Variants in IFT52 observed in about 807,000 individuals in gnomAD.
IFT52 encodes the protein intraflagellar transport 52.
Under a neutral mutation model 54.4 loss-of-function variants are expected in IFT52, and 44 were observed. The ratio of observed to expected loss-of-function variants is 0.81; its 90% CI spans 0.63 to 1.04. The LOEUF is 1.04. Among genes scored for constraint, IFT52 ranks in the 50% least tolerant of loss-of-function variants. The pLI is 0.00. For synonymous variants in IFT52, 181 were observed against 185.3 expected, an observed-to-expected ratio of 0.98 and a Z score of 0.19; for missense variants, 452 against 523.6, an observed-to-expected ratio of 0.86 and a Z score of 1.33.
chr20:43,594,029 G>T (rs894074797), intron 1 of IFT52, among the ~76,000 whole-genome samples: 26 of 152,258 alleles, frequency 1.7e-4, no homozygotes, highest in South Asian at 1.5e-3. Context: ...AGAATCTCGA[G>T]CTGGGTGCAG....
intron 10 of IFT52, among the ~76,000 whole-genome samples, chr20:43,625,162 ACATACGTCAAG>A (rs1173927777): frequency 6.6e-6 from 1 of 152,152 alleles, no homozygotes; most frequent in African/African-American, 2.4e-5. Flanking sequence ...GAAGATGATT[ACATACGTCAAG>A]CAGAGTACTG....
chr20:43,591,253 G>A (rs1314744557), intron 1 of IFT52, among the ~76,000 whole-genome samples, 199 bp downstream of exon 1: 14 of 152,258 alleles, frequency 9.2e-5, no homozygotes, highest in African/African-American at 3.4e-4. Context: ...GGCCTCGGGT[G>A]GTGCAGGTGT....
chr20:43,613,470 T>G (rs1983611856), intron 6 of IFT52, among the ~76,000 whole-genome samples: 1 of 152,232 alleles, frequency 6.6e-6, no homozygotes, highest in Non-Finnish European at 1.5e-5. Flanking sequence ...AAAAATTTTT[T>G]GTTTGATAAT....
chr20:43,627,468 C>T (rs1284951940), intron 10 of IFT52, among the ~76,000 whole-genome samples: 6 of 152,130 alleles, frequency 3.9e-5, no homozygotes, highest in African/African-American at 1.4e-4. Context: ...GAGAATTGGA[C>T]ATAGCAAACA....
rs1984523851 is a variant in IFT52, at chr20:43,623,881, T to G, written c.769-10T>G. 1 of 1,613,570 alleles carries G rather than the reference T, an allele frequency of 6.2e-7. No individual in the cohort carries two copies. The highest frequency in any genetic ancestry group is 1.3e-5 in the African/African-American group (1 of 75,062). The stretch of plus-strand genomic sequence containing the variant: ...TGCTGTGCTAAAAGGAACCCTCTTG[T>G]GGCTTTCAGATTTCTGACTACATGA... On this transcript the variant is annotated splice_polypyrimidine_tract_variant and intron_variant, in intron 9 of 13. Coordinates refer to ENST00000373030, the MANE Select transcript of IFT52 (RefSeq NM_016004.5).
chr20:43,638,119 C>T (rs568520743), intron 12 of IFT52, among the ~76,000 whole-genome samples: 34 of 152,210 alleles, frequency 2.2e-4, no homozygotes, highest in Admixed American at 2.2e-3. Context: ...CACATATATG[C>T]TCAGAGGCAT....
In IFT52 at chr20:43,644,977, C is replaced by T. The variant is rs1986123977; in HGVS notation, c.1267-1959C>T. Among the ~76,000 whole-genome samples the T allele has an allele frequency of 3.8e-5, 2 of 52,604 alleles. 1 individual carries two copies. The highest frequency in any genetic ancestry group is 4.5e-4 in the Admixed American group (2 of 4,424). 34.5% of individuals were successfully genotyped at this position (52,604 alleles called of 152,430 possible). ...AAAAAATCAGCTGGGTGTGGTGGCC[C>T]GTGCCTGTAGTCCCAGTTACTCAGG... On this transcript the variant is annotated intron_variant, in intron 13 of 13. Transcript: ENST00000373030.
intron 3 of IFT52, among the ~76,000 whole-genome samples, chr20:43,597,565 C>T (rs1446069719): frequency 6.6e-6 from 1 of 152,020 alleles, no homozygotes; most frequent in Non-Finnish European, 1.5e-5. Flanking sequence ...CCATGAAAAA[C>T]AGTATGGTAG....
chr20:43,641,660 A>AT (rs1378025695), intron 12 of IFT52, among the ~76,000 whole-genome samples: 3 of 148,466 alleles, frequency 2.0e-5, no homozygotes, highest in Non-Finnish European at 4.5e-5. Flanking sequence ...TGCCCGGCTA[A>AT]TTTTTTTGTA....
At chr20:43,604,102 T>C in intron 4 of IFT52, 81 bp from the exon 5 acceptor site, 1 of 1,209,986 alleles carries the variant, frequency 8.3e-7, no homozygotes, top group East Asian at 2.3e-5. Flanking sequence ...AGGGTGCCCT[T>C]CAGGTCAAAA....
intron 3 of IFT52, among the ~76,000 whole-genome samples, chr20:43,598,279 G>A (rs535433734): frequency 6.6e-6 from 1 of 152,278 alleles, no homozygotes; most frequent in Non-Finnish European, 1.5e-5. Flanking sequence ...AAGGGTGGTG[G>A]TTGCCAGGGC....
At chr20:43,595,029 A>C (rs1330734069) in intron 2 of IFT52, among the ~76,000 whole-genome samples, 1 of 151,576 alleles carries the variant, frequency 6.6e-6, no homozygotes, top group African/African-American at 2.4e-5. Context: ...TCAAGAGATC[A>C]AGACTGGCCG....
chr20:43,593,113 T>G (rs60639135), intron 1 of IFT52, among the ~76,000 whole-genome samples: 4,888 of 151,874 alleles, frequency 0.032, 240 homozygotes, highest in African/African-American at 0.1. Context: ...ATAATAATAA[T>G]AAGAAGAAGT....
At chr20:43,601,801 A>T (rs1355817380) in intron 3 of IFT52, among the ~76,000 whole-genome samples, 4 of 152,200 alleles carry the variant, frequency 2.6e-5, no homozygotes, top group Non-Finnish European at 4.4e-5. Flanking sequence ...AATCAAAAGG[A>T]AGGAAAAGGA....
At chr20:43,624,303 C>G (rs571752508) in intron 10 of IFT52, among the ~76,000 whole-genome samples, 1 of 152,120 alleles carries the variant, frequency 6.6e-6, no homozygotes, top group African/African-American at 2.4e-5. Context: ...TCATTTTGCC[C>G]CAGACTTCTG....
chr20:43,625,536 T>C (rs1984654568), intron 10 of IFT52, among the ~76,000 whole-genome samples: 2 of 151,828 alleles, frequency 1.3e-5, no homozygotes, highest in African/African-American at 4.8e-5. Flanking sequence ...CAGGATGGCT[T>C]CATTGAAAAG....
intron 10 of IFT52, among the ~76,000 whole-genome samples, chr20:43,627,902 T>TAC (rs1327639502): frequency 5.4e-4 from 44 of 81,448 alleles, no homozygotes; most frequent in Non-Finnish European, 1.0e-3. Context: ...GTCATATATA[T>TAC]ATAGAGAGAG....
At chr20:43,624,070 C>T (rs1004531860) in intron 10 of IFT52, 25 bp downstream of exon 10, 23 of 1,610,770 alleles carry the variant, frequency 1.4e-5, no homozygotes, top group Non-Finnish European at 1.8e-5. Context: ...GCCTCTGAGC[C>T]ACACTGCACT....
In IFT52 at chr20:43,642,753, C is replaced by G. The variant is rs1986009929; in HGVS notation, c.1266+129C>G. On this transcript the variant is annotated intron_variant, in intron 13 of 13. Transcript: ENST00000373030. ...ATTTATTAAGCATCTACTAGGTGAA[C>G]AAAACAGACAATAAACCCTGTACTT... The G allele has an allele frequency of 7.2e-6, 6 of 831,424 alleles. No homozygotes were observed. In the East Asian group the frequency reaches 1.6e-4, roughly 22 times the overall value. The allele number at this position is 831,424 out of a possible 1,614,324, so 51.5% of individuals were successfully genotyped here.
Sources: allele counts gnomAD v4.1 joint callset (sites outside exome capture counted in the v4.1 genomes callset), GRCh38; gene constraint gnomAD v4.1.1; transcripts MANE v1.5; gene names NCBI Gene and HGNC (gene_info 2026-07-23, HGNC 2026-07-21).